The following HTR3B variants were observed in gnomAD, a reference collection of about 807,000 sequenced individuals.
The protein encoded by HTR3B is 5-hydroxytryptamine (serotonin) receptor 3B, ionotropic.
In HTR3B, 44 loss-of-function variants were observed where a neutral mutation model predicts 42.8. The ratio of observed to expected loss-of-function variants is 1.03; its 90% CI spans 0.81 to 1.32. The LOEUF is 1.32. HTR3B is among the 40% of genes most tolerant of loss of function. HTR3B has a pLI of 0.00. For missense variants in HTR3B, 527 were observed against 536.5 expected (o/e 0.98, Z 0.17); for synonymous variants, 203 against 209.0 (o/e 0.97, Z 0.25).
intron 2 of HTR3B, among the ~76,000 whole-genome samples, chr11:113,927,052 C>A (rs922161737): frequency 1.3e-5 from 2 of 152,124 alleles, no homozygotes; most frequent in Non-Finnish European, 2.9e-5. Flanking sequence ...ATTTGTATAT[C>A]TCCTTAGGAG....
chr11:113,942,906 C>T, intron 6 of HTR3B, 76 bp from the exon 7 acceptor site: 1 of 1,263,238 alleles, frequency 7.9e-7, no homozygotes, highest in Non-Finnish European at 1.1e-6. Flanking sequence ...GGGGAGAATT[C>T]CTGGCTATGA....
At chr11:113,939,602 A>G (rs1453605141) in intron 6 of HTR3B, among the ~76,000 whole-genome samples, 1 of 152,158 alleles carries the variant, frequency 6.6e-6, no homozygotes, top group Non-Finnish European at 1.5e-5. Context: ...TTGAGGGGCC[A>G]CACCATCCAT....
At chr11:113,943,263 A>G (rs1248394827) in intron 7 of HTR3B, 71 bp downstream of exon 7, 2 of 1,273,512 alleles carry the variant, frequency 1.6e-6, no homozygotes, top group Admixed American at 1.9e-5. Flanking sequence ...CTGGCCAGGC[A>G]TGGTGGCTCA....
At chr11:113,945,821 G>A (rs1257285424) in intron 8 of HTR3B, 81 bp from the exon 9 acceptor site, 1 of 965,804 alleles carries the variant, frequency 1.0e-6, no homozygotes, top group Admixed American at 1.9e-5. Context: ...CTTGAAGGAT[G>A]AGGCCATCAG....
At position 113,920,478 on chromosome 11, in the gene HTR3B, C is replaced by T. The variant is rs144716668; in HGVS notation, c.214-10906C>T. Among the ~76,000 whole-genome samples, 738 of 152,018 alleles carry T rather than the reference C, an allele frequency of 4.9e-3. 3 individuals carry two copies. The highest frequency in any genetic ancestry group is 0.016 in the African/African-American group (670 of 41,454). On this transcript the variant is annotated intron_variant, in intron 2 of 8. Transcript: ENST00000260191. ...GTAACCTCCGCCTCCCGGGTTCAAA[C>T]GATTCTCCTGCCTCAGCCTCCTAAG...
chr11:113,943,969 G>A (rs1009129941), intron 7 of HTR3B, among the ~76,000 whole-genome samples: 3 of 151,892 alleles, frequency 2.0e-5, no homozygotes, highest in Non-Finnish European at 4.4e-5. Context: ...GAGGTGGGAG[G>A]ATTGCTTGAG....
intron 1 of HTR3B, among the ~76,000 whole-genome samples, chr11:113,908,645 T>C (rs1021336335): frequency 6.6e-6 from 1 of 152,290 alleles, no homozygotes; most frequent in Non-Finnish European, 1.5e-5. Context: ...CAAATCAAGA[T>C]TTTTGGGTCA....
chr11:113,916,671 C>T (rs1005060652), intron 2 of HTR3B, among the ~76,000 whole-genome samples: 1 of 152,180 alleles, frequency 6.6e-6, no homozygotes, highest in African/African-American at 2.4e-5. Flanking sequence ...CTGAGTTATC[C>T]AGTCCATACA....
chr11:113,910,951 C>T (rs1480981102), intron 2 of HTR3B, among the ~76,000 whole-genome samples: 19 of 150,694 alleles, frequency 1.3e-4, no homozygotes, highest in African/African-American at 2.4e-4. Flanking sequence ...CTCAGCCTCC[C>T]GAGTAGCTGG....
chr11:113,930,470 G>GTT (rs75746006), intron 2 of HTR3B, among the ~76,000 whole-genome samples: 6,747 of 141,610 alleles, frequency 0.048, 215 homozygotes, highest in African/African-American at 0.077. Flanking sequence ...GGTGAGGAGG[G>GTT]TTTTTTTTTC....
In HTR3B at chr11:113,927,593, C is replaced by T. The variant is rs139982198; in HGVS notation, c.214-3791C>T. 5.7e-3 allele frequency among the ~76,000 whole-genome samples: 856 copies of T among 150,996 alleles called. 5 individuals are homozygous for T. Among genetic ancestry groups the T allele is most frequent in the African/African-American group, 0.019 (780 of 41,162 alleles). ...CTTTTTTTTTTTTGAGACAGAGTCT[C>T]GCTTTGTTGCCCAGGCTGGAGAGCA... On this transcript the variant is annotated intron_variant, in intron 2 of 8. Transcript: ENST00000260191.
Position 113,927,723 on chromosome 11 carries a change from C to T in HTR3B, c.214-3661C>T, listed in dbSNP as rs143339123. 7.2e-3 allele frequency among the ~76,000 whole-genome samples: 1,095 copies of T among 151,970 alleles called. 15 individuals carry two copies. Among genetic ancestry groups the T allele is most frequent in the African/African-American group, 0.025 (1,045 of 41,434 alleles). ...AATGACAGGCACGTGCCACTAAGCC[C>T]GGCTAATTTTTGTATTTTTAGTGGA... On this transcript the variant is annotated intron_variant, in intron 2 of 8. Transcript: ENST00000260191.
At chr11:113,915,720 A>G (rs992551812) in intron 2 of HTR3B, among the ~76,000 whole-genome samples, 1 of 152,204 alleles carries the variant, frequency 6.6e-6, no homozygotes, top group Admixed American at 6.5e-5. Flanking sequence ...TCTATGTTTA[A>G]TTTTATAAGA....
At position 113,932,414 on chromosome 11, in the gene HTR3B, A is replaced by G. The variant is rs1323904388; in HGVS notation, c.494A>G (p.Asp165Gly). ...CSLETYAFPF[D>G]VQNCSLTFKS... is the part of the protein sequence containing the mutation. ...TTAGAGACATATGCTTTTCCATTTG[A>G]TGTCCAGAATTGCAGCCTGACCTTC... The change falls in exon 5 of 9, where the codon GAT (aspartate) becomes GGT (glycine). Residue 165 changes from aspartate to glycine, a missense_variant. Transcript: ENST00000260191. The G allele has an allele frequency of 1.9e-6, 3 of 1,614,042 alleles. No homozygotes were observed. In the African/African-American group the frequency reaches 4.0e-5, roughly 22 times the overall value.
chr11:113,912,719 C>T (rs1204539406), intron 2 of HTR3B, among the ~76,000 whole-genome samples: 1 of 152,096 alleles, frequency 6.6e-6, no homozygotes, highest in Non-Finnish European at 1.5e-5. Flanking sequence ...TGTTACCAGT[C>T]TTTTTAATTT....
chr11:113,941,642 A>G (rs1449339648), intron 6 of HTR3B, among the ~76,000 whole-genome samples: 1 of 152,098 alleles, frequency 6.6e-6, no homozygotes, highest in Non-Finnish European at 1.5e-5. Flanking sequence ...ACCACTGGTC[A>G]TGCTTGACCA....
chr11:113,922,454 G>A lies in HTR3B; in HGVS notation c.214-8930G>A, dbSNP rs557173940. ...TCGCCATGTTGCCCAGGCTGGTCTC[G>A]AACTCCTGGCCTCAAGTGATCCACT... is the stretch of plus-strand genomic sequence containing the variant. On this transcript the variant is annotated intron_variant, in intron 2 of 8. Transcript: ENST00000260191. Among the ~76,000 whole-genome samples, 198 of 151,966 alleles carry A rather than the reference G, an allele frequency of 1.3e-3. 2 individuals are homozygous for A. The highest frequency in any genetic ancestry group is 4.2e-3 in the African/African-American group (175 of 41,416).
At chr11:113,914,460 A>G (rs1949832106) in intron 2 of HTR3B, among the ~76,000 whole-genome samples, 1 of 150,490 alleles carries the variant, frequency 6.6e-6, no homozygotes, top group Non-Finnish European at 1.5e-5. Context: ...GCGATACTCC[A>G]ACTCAAAAAA....
Position 113,943,107 on chromosome 11 carries a change from G to T in HTR3B, c.822G>T (p.Lys274Asn), listed in dbSNP as rs1278664070. 6.2e-7 allele frequency: 1 copy of T among 1,614,144 alleles called. No individual in the cohort carries two copies. Among genetic ancestry groups the T allele is most frequent in the Non-Finnish European group, 8.5e-7 (1 of 1,180,022 alleles). Residue 274 changes from lysine to asparagine, a missense_variant, in exon 7 of 9, where the codon AAG becomes AAT. Transcript: ENST00000260191. ...ACTGCCGAGCCAGGATTGTGTTCAAGACCAGTGTGCTGGTGGGCTACACCG... is the reference window on the plus strand; with the variant it reads ...ACTGCCGAGCCAGGATTGTGTTCAATACCAGTGTGCTGGTGGGCTACACCG... ...PPNCRARIVF[K>N]TSVLVGYTVF...
Sources: allele counts gnomAD v4.1 joint callset (sites outside exome capture counted in the v4.1 genomes callset), GRCh38; gene constraint gnomAD v4.1.1; transcripts MANE v1.5; gene names NCBI Gene and HGNC (gene_info 2026-07-23, HGNC 2026-07-21).